The following TOP2B variants were observed in gnomAD, a reference collection of about 807,000 sequenced individuals.
TOP2B encodes DNA topoisomerase II beta.
TOP2B carries 51 observed loss-of-function variants against 193.5 expected under a neutral mutation model. The observed-to-expected ratio is 0.26, with a 90% CI of 0.21 to 0.33. The LOEUF (loss-of-function observed/expected upper bound fraction) is 0.33, where lower values mean the gene tolerates loss of function less well. Among genes scored for constraint, TOP2B ranks in the 10% least tolerant of loss-of-function variants. The pLI is 1.00. For synonymous variants in TOP2B, 634 were observed against 635.7 expected, an observed-to-expected ratio of 1.00 and a Z score of 0.04; for missense variants, 1,378 against 1,909.3, an observed-to-expected ratio of 0.72 and a Z score of 5.19.
rs1051633110 is a variant in TOP2B at position 25,664,855 on chromosome 3, C to T, written c.-558G>A. The T allele has an allele frequency of 1.0e-6, 1 of 990,664 alleles. No homozygotes were observed. Among genetic ancestry groups the T allele is most frequent in the South Asian group, 4.5e-5 (1 of 22,148 alleles). 61.4% of individuals were successfully genotyped at this position (990,664 alleles called of 1,614,324 possible). Reference sequence around the variant, plus strand: ...CGAGAGGGACAATAAACAGAGCCGCCGCCGCCGCCGCCACGGTCACCTCCC... The same window carrying T: ...CGAGAGGGACAATAAACAGAGCCGCTGCCGCCGCCGCCACGGTCACCTCCC... On this transcript the variant is annotated 5_prime_UTR_variant, in exon 1 of 36. Coordinates refer to ENST00000264331, the MANE Select transcript of TOP2B (RefSeq NM_001330700.2).
intron 18 of TOP2B, 188 bp from the exon 19 acceptor site, chr3:25,624,991 G>A (rs536038949): frequency 3.7e-6 from 2 of 547,860 alleles, no homozygotes; most frequent in Non-Finnish European, 6.5e-6. Context: ...AAAGCCATCT[G>A]CAGGTATATA....
intron 30 of TOP2B, among the ~76,000 whole-genome samples, chr3:25,608,266 G>A (rs542740547): frequency 5.3e-5 from 8 of 152,228 alleles, no homozygotes; most frequent in Non-Finnish European, 1.2e-4. Flanking sequence ...ATCGTGAAAG[G>A]CATATTGCCA....
chr3:25,603,661 TAAAGG>T (rs1314240385), intron 33 of TOP2B, among the ~76,000 whole-genome samples: 1 of 152,002 alleles, frequency 6.6e-6, no homozygotes, highest in Non-Finnish European at 1.5e-5. Flanking sequence ...ATTTGAGAGA[TAAAGG>T]AGGGGGAGAC....
chr3:25,657,077 C>T (rs189627541), intron 1 of TOP2B, among the ~76,000 whole-genome samples: 204 of 152,324 alleles, frequency 1.3e-3, no homozygotes, highest in African/African-American at 4.8e-3. Flanking sequence ...TTGTCTTTTA[C>T]GTTCCCATTC....
At chr3:25,621,069 C>T (rs1316052187) in intron 21 of TOP2B, among the ~76,000 whole-genome samples, 2 of 152,202 alleles carry the variant, frequency 1.3e-5, no homozygotes, top group Admixed American at 6.5e-5. Context: ...ACTTCCCCTA[C>T]ACCTACTTCT....
chr3:25,658,586 CA>C (rs1703818755), intron 1 of TOP2B, among the ~76,000 whole-genome samples: 1 of 151,672 alleles, frequency 6.6e-6, no homozygotes, highest in African/African-American at 2.4e-5. Flanking sequence ...AGTCAGCTGC[CA>C]AATTAAACAA....
At chr3:25,645,231 T>A (rs181486420) in intron 2 of TOP2B, 69 bp downstream of exon 2, 3 of 1,348,000 alleles carry the variant, frequency 2.2e-6, no homozygotes, top group Admixed American at 2.4e-5. Flanking sequence ...TACAATAATT[T>A]TATCAACATA....
chr3:25,617,976 T>A (rs1702549795), intron 25 of TOP2B, among the ~76,000 whole-genome samples: 1 of 152,176 alleles, frequency 6.6e-6, no homozygotes, highest in African/African-American at 2.4e-5. Flanking sequence ...AATTAACATT[T>A]TGTCTCTTGT....
At position 25,620,692 on chromosome 3, in the gene TOP2B, G is replaced by T; in HGVS notation, c.2852C>A (p.Thr951Asn). Residue 951 changes from threonine (T) to asparagine (N), a missense_variant, in exon 22 of 36, where the codon ACT (threonine) becomes AAT (asparagine). Thr to Asn is a moderately conservative substitution (Grantham distance 65). Transcript: ENST00000264331. The part of the protein sequence containing the change: ...TVEITELPVR[T>N]WTQVYKEQVL... Reference sequence around the variant, plus strand: ...CATATTTACACTGACCTGTGTCCAAGTTCTAACTGGAAGCTCTGTAATTTC... The same window carrying T: ...CATATTTACACTGACCTGTGTCCAATTTCTAACTGGAAGCTCTGTAATTTC... 1 of 1,612,270 alleles carries T rather than the reference G, an allele frequency of 6.2e-7. No homozygotes were observed. Among genetic ancestry groups the T allele is most frequent in the Non-Finnish European group, 8.5e-7 (1 of 1,179,070 alleles).
chr3:25,648,288 C>CA (rs1424121910), intron 1 of TOP2B, among the ~76,000 whole-genome samples: 1 of 152,112 alleles, frequency 6.6e-6, no homozygotes, highest in Non-Finnish European at 1.5e-5. Flanking sequence ...CGAGACGCCA[C>CA]AAGTAAAGCA....
rs756401907 is a variant in TOP2B at position 25,607,162 on chromosome 3, A to G, written c.4298+9T>C. 4 of 1,612,722 alleles carry G rather than the reference A, an allele frequency of 2.5e-6. No individual in the cohort carries two copies. In the African/African-American group the frequency reaches 5.3e-5, roughly 22 times the overall value. On this transcript the variant is annotated intron_variant, in intron 31 of 35. Coordinates refer to ENST00000264331, the MANE Select transcript of TOP2B (RefSeq NM_001330700.2). ...TAACTATACCACATCACTAAATAGC[A>G]TTACTTACTCTGGAGTGGCTTTTGA...
intron 34 of TOP2B, among the ~76,000 whole-genome samples, chr3:25,600,883 C>T (rs1702074454): frequency 6.6e-6 from 1 of 152,148 alleles, no homozygotes; most frequent in African/African-American, 2.4e-5. Context: ...CTCTTTGAGC[C>T]TCAATTTTTT....
At chr3:25,604,718 A>G (rs1559491091) in intron 33 of TOP2B, 42 bp downstream of exon 33, 4 of 1,393,712 alleles carry the variant, frequency 2.9e-6, no homozygotes, top group Admixed American at 3.9e-5. Context: ...TACATTAACT[A>G]TCTCTATCCA....
rs545080682 is a variant in TOP2B at position 25,609,640 on chromosome 3, C to T, written c.3859G>A (p.Gly1287Arg). 1 of 1,573,918 alleles carries T rather than the reference C, an allele frequency of 6.4e-7. No homozygotes were observed. The highest frequency in any genetic ancestry group is 2.3e-5 in the East Asian group (1 of 44,082). Reference sequence around the variant, plus strand: ...ACTGATGGAGTCAATGCCTCTTCTCCTGCACCTTCTACTGGTGCTCCACTG... The same window carrying T: ...ACTGATGGAGTCAATGCCTCTTCTCTTGCACCTTCTACTGGTGCTCCACTG... ...EFSGAPVEGA[G>R]EEALTPSVPI... The change falls in exon 29 of 36, where the codon GGA becomes AGA. Residue 1287 changes from glycine (G) to arginine (R), a missense_variant. By Grantham distance (125) the Gly-to-Arg change is moderately radical. Coordinates refer to ENST00000264331, the MANE Select transcript of TOP2B (RefSeq NM_001330700.2).
chr3:25,600,833 A>C (rs1371033075), intron 34 of TOP2B, among the ~76,000 whole-genome samples: 1 of 152,206 alleles, frequency 6.6e-6, no homozygotes, highest in Non-Finnish European at 1.5e-5. Flanking sequence ...AGTTGGCTGC[A>C]GGGGAGAATT....
intron 6 of TOP2B, among the ~76,000 whole-genome samples, 182 bp from the exon 7 acceptor site, chr3:25,636,330 G>T (rs539790629): frequency 6.6e-6 from 1 of 151,974 alleles, no homozygotes; most frequent in South Asian, 2.1e-4. Context: ...TCAGCCCTTG[G>T]GTAGCCACAG....
rs1239258454 is a variant in TOP2B, at chr3:25,632,535, T to C, written c.1177A>G (p.Thr393Ala). The change falls in exon 10 of 36, where the codon ACT (threonine) becomes GCT (alanine). Residue 393 changes from threonine (T) to alanine (A), a missense_variant. Coordinates refer to ENST00000264331, the MANE Select transcript of TOP2B (RefSeq NM_001330700.2). Reference sequence around the variant, plus strand: ...TTTTCCTTAGTCTGAGAATCAAAAGTTGGATTTTCAATAAGGCAATTAATA... The same window carrying C: ...TTTTCCTTAGTCTGAGAATCAAAAGCTGGATTTTCAATAAGGCAATTAATA... ...VFINCLIENP[T>A]FDSQTKENMT... is the part of the protein sequence containing the mutation. The C allele has an allele frequency of 6.3e-7, 1 of 1,590,456 alleles. No homozygotes were observed. The highest frequency in any genetic ancestry group is 1.9e-5 in the Admixed American group (1 of 53,486).
intron 33 of TOP2B, among the ~76,000 whole-genome samples, chr3:25,603,722 C>G (rs1327736863): frequency 6.6e-6 from 1 of 152,152 alleles, no homozygotes; most frequent in Non-Finnish European, 1.5e-5. Context: ...AGGTAAGTTA[C>G]CAAGCCAATC....
chr3:25,604,659 T>A (rs1702190201), intron 33 of TOP2B, 101 bp downstream of exon 33: 2 of 988,416 alleles, frequency 2.0e-6, no homozygotes, highest in Non-Finnish European at 3.0e-6. Flanking sequence ...TCTTAATTGT[T>A]TTATGATAAA....
Sources: gnomAD v4.1 joint callset for allele counts (sites outside exome capture counted in the v4.1 genomes callset) on GRCh38, gnomAD v4.1.1 for gene constraint, MANE v1.5 for transcripts, NCBI Gene and HGNC (gene_info 2026-07-23, HGNC 2026-07-21) for gene names.